TAFA4: variants seen among roughly 807,000 people sequenced by gnomAD.
The protein encoded by TAFA4 is TAFA chemokine like family member 4, also known as chemokine-like protein TAFA-4.
Under a neutral mutation model 21.1 loss-of-function variants are expected in TAFA4, and 20 were observed. That is an observed-to-expected ratio of 0.95 (90% CI 0.67 to 1.38). The LOEUF (loss-of-function observed/expected upper bound fraction) is 1.38. TAFA4 is among the 40% of genes most tolerant of loss of function. TAFA4 has a pLI of 0.00. For missense variants in TAFA4, 211 were observed against 180.9 expected, an observed-to-expected ratio of 1.17 and a Z score of -0.95; for synonymous variants, 71 against 67.4, an observed-to-expected ratio of 1.05 and a Z score of -0.26.
chr3:68,916,603 C>T (rs1450504073), intron 1 of TAFA4, among the ~76,000 whole-genome samples: 1 of 152,154 alleles, frequency 6.6e-6, no homozygotes, highest in Non-Finnish European at 1.5e-5. Context: ...TGTAACAATG[C>T]CCTAGAAAAT....
intron 3 of TAFA4, among the ~76,000 whole-genome samples, chr3:68,839,740 C>T (rs1354145847): frequency 6.6e-6 from 1 of 152,164 alleles, no homozygotes; most frequent in African/African-American, 2.4e-5. Flanking sequence ...TCCTTCACTA[C>T]AGAAGTTTGT....
intron 5 of TAFA4, 95 bp downstream of exon 5, chr3:68,738,980 A>G (rs1702294324): frequency 6.5e-7 from 1 of 1,544,066 alleles, no homozygotes; most frequent in Non-Finnish European, 8.7e-7. Flanking sequence ...TTATTAACAC[A>G]TAATAATGTG....
At chr3:68,836,668 T>C (rs1295671898) in intron 3 of TAFA4, among the ~76,000 whole-genome samples, 5 of 152,210 alleles carry the variant, frequency 3.3e-5, no homozygotes, top group Non-Finnish European at 7.3e-5. Flanking sequence ...ATCGTTGTTC[T>C]CATGGAAGTT....
chr3:68,902,821 A>C (rs1209050233), intron 1 of TAFA4, among the ~76,000 whole-genome samples: 1 of 152,206 alleles, frequency 6.6e-6, no homozygotes, highest in East Asian at 1.9e-4. Context: ...TCCAAACAAG[A>C]AGCAGGCCTG....
chr3:68,799,753 C>CGTGTCTCCCCTAAAGCAG (rs147872340), intron 3 of TAFA4, among the ~76,000 whole-genome samples: 1 of 151,790 alleles, frequency 6.6e-6, no homozygotes, highest in Non-Finnish European at 1.5e-5. Flanking sequence ...GCAAAGAGAT[C>CGTGTCTCCCCTAAAGCAG]GTGTCTCCAA....
At chr3:68,738,952 AG>A in intron 5 of TAFA4, 122 bp downstream of exon 5, 1 of 1,376,080 alleles carries the variant, frequency 7.3e-7, no homozygotes, top group Non-Finnish European at 9.8e-7. Flanking sequence ...TCCGTAAGGT[AG>A]CACTGCCCAA....
intron 3 of TAFA4, among the ~76,000 whole-genome samples, chr3:68,822,082 T>C (rs545985849): frequency 1.3e-5 from 2 of 152,216 alleles, no homozygotes; most frequent in African/African-American, 4.8e-5. Flanking sequence ...AAGAGCTACT[T>C]GTTTACTTGT....
At chr3:68,904,236 G>T (rs149226398) in intron 1 of TAFA4, among the ~76,000 whole-genome samples, 316 of 152,304 alleles carry the variant, frequency 2.1e-3, no homozygotes, top group African/African-American at 7.2e-3. Context: ...CTGAAAGTTA[G>T]CCCACAATCT....
intron 3 of TAFA4, among the ~76,000 whole-genome samples, chr3:68,843,859 G>A (rs1268984393): frequency 6.6e-6 from 1 of 152,240 alleles, no homozygotes; most frequent in East Asian, 1.9e-4. Context: ...GCATCCCAGG[G>A]ATGAAGCCAA....
chr3:68,866,786 G>A (rs2106930807), intron 3 of TAFA4, among the ~76,000 whole-genome samples: 1 of 149,830 alleles, frequency 6.7e-6, no homozygotes, highest in Middle Eastern at 3.4e-3. Context: ...ACCACAAAAT[G>A]CATTAGAAGT....
At chr3:68,901,922 G>A (rs996104403) in intron 1 of TAFA4, among the ~76,000 whole-genome samples, 1 of 152,180 alleles carries the variant, frequency 6.6e-6, no homozygotes, top group Admixed American at 6.5e-5. Flanking sequence ...AATAGATTTG[G>A]AAATAACTAC....
At chr3:68,792,206 T>C (rs564079192) in intron 3 of TAFA4, among the ~76,000 whole-genome samples, 5 of 152,344 alleles carry the variant, frequency 3.3e-5, no homozygotes, top group East Asian at 3.9e-4. Context: ...TTATCAAGAA[T>C]AAGAAGTTAG....
At chr3:68,883,145 A>G (rs904992956) in intron 2 of TAFA4, 1 of 152,334 alleles carries the variant, frequency 6.6e-6, no homozygotes, top group African/African-American at 2.4e-5. Flanking sequence ...ACAGGCTAAA[A>G]TCAAGGTGTC....
chr3:68,747,174 A>T (rs188814541), intron 4 of TAFA4, among the ~76,000 whole-genome samples: 1 of 152,190 alleles, frequency 6.6e-6, no homozygotes, highest in Non-Finnish European at 1.5e-5. Context: ...CCTCTATTTT[A>T]TGTCTTCCTT....
chr3:68,774,831 A>C (rs776617551), intron 3 of TAFA4, among the ~76,000 whole-genome samples: 4 of 152,180 alleles, frequency 2.6e-5, no homozygotes, highest in Non-Finnish European at 5.9e-5. Flanking sequence ...GAAGAAAACT[A>C]TAAGTGACTC....
chr3:68,755,244 T>A (rs1026779197), intron 3 of TAFA4, among the ~76,000 whole-genome samples: 7 of 152,208 alleles, frequency 4.6e-5, no homozygotes, highest in Non-Finnish European at 8.8e-5. Flanking sequence ...TACTTAAGGG[T>A]AATTTACATT....
At chr3:68,767,553 T>A (rs1220846461) in intron 3 of TAFA4, among the ~76,000 whole-genome samples, 1 of 152,068 alleles carries the variant, frequency 6.6e-6, no homozygotes, top group Non-Finnish European at 1.5e-5. Context: ...TTGCAATGTA[T>A]ATATATTGAT....
Position 68,809,693 on chromosome 3 carries a change from T to C in TAFA4, c.131-56675A>G, listed in dbSNP as rs908224586. 2.1e-5 allele frequency among the ~76,000 whole-genome samples: 3 copies of C among 145,340 alleles called. 1 individual carries two copies. The highest frequency in any genetic ancestry group is 4.9e-5 in the African/African-American group (2 of 40,930). ...TTCTTCTAGCAGTTTTATGGTTTCATAGTCTTATCTTTAACTGCATTTTGA... is the reference window on the plus strand; with the variant it reads ...TTCTTCTAGCAGTTTTATGGTTTCACAGTCTTATCTTTAACTGCATTTTGA... On this transcript the variant is annotated intron_variant, in intron 3 of 5. Transcript: ENST00000295569.
At chr3:68,846,054 G>A (rs939141026) in intron 3 of TAFA4, among the ~76,000 whole-genome samples, 15 of 152,056 alleles carry the variant, frequency 9.9e-5, no homozygotes, top group African/African-American at 3.4e-4. Context: ...GAATTTGAAT[G>A]TGGCCTGTCT....
Sources: gnomAD v4.1 joint callset for allele counts (sites outside exome capture counted in the v4.1 genomes callset) on GRCh38, gnomAD v4.1.1 for gene constraint, MANE v1.5 for transcripts, NCBI Gene and HGNC (gene_info 2026-07-23, HGNC 2026-07-21) for gene names.